Variants in DPP10 observed in about 807,000 individuals in gnomAD.
The protein encoded by DPP10 is inactive dipeptidyl peptidase 10.
In DPP10, 33 loss-of-function variants were observed where a neutral mutation model predicts 120.9. The observed-to-expected ratio is 0.27, with a 90% CI of 0.21 to 0.37. The LOEUF (loss-of-function observed/expected upper bound fraction) is 0.37. DPP10 is among the 10% of genes least tolerant of loss of function. The pLI, the probability that DPP10 is intolerant of heterozygous loss-of-function variation, is 1.00. For synonymous variants in DPP10, 337 were observed against 326.1 expected, an observed-to-expected ratio of 1.03 and a Z score of -0.36; for missense variants, 816 against 942.8, an observed-to-expected ratio of 0.87 and a Z score of 1.76.
At chr2:114,856,441 A>G (rs1265745358) in intron 1 of DPP10, among the ~76,000 whole-genome samples, 1 of 152,198 alleles carries the variant, frequency 6.6e-6, no homozygotes. Context: ...CAATGTGTCA[A>G]TATGTCATCT....
intron 1 of DPP10, among the ~76,000 whole-genome samples, chr2:115,255,979 C>T (rs779796599): frequency 4.6e-5 from 7 of 152,134 alleles, no homozygotes; most frequent in African/African-American, 9.7e-5. Flanking sequence ...GTTCAAAAGC[C>T]GCTTCCACGT....
In DPP10 at chr2:114,738,912, C is replaced by T. The variant is rs115804716; in HGVS notation, c.60+296074C>T. Among the ~76,000 whole-genome samples, 525 of 152,240 alleles carry T rather than the reference C, an allele frequency of 3.4e-3. 4 individuals are homozygous for T. The highest frequency in any genetic ancestry group is 5.5e-3 in the Non-Finnish European group (372 of 68,018). On this transcript the variant is annotated intron_variant, in intron 1 of 25. Transcript: ENST00000410059. ...AGATATGTGGGGAGAGCTTAGGGTG[C>T]CTCATGGAAGCCCAGAAGCCCACCC...
chr2:114,497,386 C>CAT (rs368126369), intron 1 of DPP10, among the ~76,000 whole-genome samples: 5 of 134,374 alleles, frequency 3.7e-5, no homozygotes, highest in African/African-American at 1.5e-4. Flanking sequence ...TATACATATA[C>CAT]ATACACATAC....
At chr2:115,215,795 C>T (rs981585046) in intron 1 of DPP10, among the ~76,000 whole-genome samples, 1 of 152,130 alleles carries the variant, frequency 6.6e-6, no homozygotes, top group Non-Finnish European at 1.5e-5. Context: ...ATCCAGCAAT[C>T]CTATTACTGG....
At chr2:115,324,391 G>A (rs1236439526) in intron 2 of DPP10, among the ~76,000 whole-genome samples, 3 of 152,144 alleles carry the variant, frequency 2.0e-5, no homozygotes, top group Non-Finnish European at 4.4e-5. Context: ...ACATCTTCTT[G>A]ATAACTGGCT....
At chr2:114,565,504 C>T (rs556511765) in intron 1 of DPP10, among the ~76,000 whole-genome samples, 19 of 152,344 alleles carry the variant, frequency 1.2e-4, no homozygotes, top group East Asian at 1.2e-3. Flanking sequence ...TTAGCACCAA[C>T]GGCCATTAGG....
At chr2:115,409,974 G>T (rs1357390399) in intron 3 of DPP10, among the ~76,000 whole-genome samples, 1 of 152,144 alleles carries the variant, frequency 6.6e-6, no homozygotes, top group Non-Finnish European at 1.5e-5. Flanking sequence ...AGGATACAAA[G>T]GCATAAGAAC....
chr2:115,593,584 A>T (rs1334242872), intron 5 of DPP10, among the ~76,000 whole-genome samples: 1 of 152,048 alleles, frequency 6.6e-6, no homozygotes, highest in African/African-American at 2.4e-5. Context: ...GAAATAAAAA[A>T]ATGTTAGTTT....
At chr2:114,890,905 A>T (rs1019724382) in intron 1 of DPP10, among the ~76,000 whole-genome samples, 5 of 149,952 alleles carry the variant, frequency 3.3e-5, no homozygotes, top group Admixed American at 2.7e-4. Context: ...AAAATTTGAG[A>T]ATTGTCTATG....
intron 1 of DPP10, among the ~76,000 whole-genome samples, chr2:115,150,453 A>G (rs1029648129): frequency 3.3e-5 from 5 of 152,208 alleles, no homozygotes; most frequent in African/African-American, 1.2e-4. Flanking sequence ...TACTTTTCCA[A>G]TATTATACAC....
intron 13 of DPP10, among the ~76,000 whole-genome samples, chr2:115,770,033 A>C (rs1313951690): frequency 6.6e-6 from 1 of 152,098 alleles, no homozygotes; most frequent in Non-Finnish European, 1.5e-5. Context: ...GAAAAGTTGT[A>C]CGTCTTTGTG....
At chr2:114,943,614 T>G (rs1697133416) in intron 1 of DPP10, among the ~76,000 whole-genome samples, 2 of 152,138 alleles carry the variant, frequency 1.3e-5, no homozygotes, top group African/African-American at 4.8e-5. Flanking sequence ...TGATGGTCAT[T>G]TGGGTTGGTT....
intron 1 of DPP10, among the ~76,000 whole-genome samples, chr2:114,920,744 C>G (rs570349316): frequency 6.6e-6 from 1 of 152,214 alleles, no homozygotes; most frequent in African/African-American, 2.4e-5. Flanking sequence ...GCAATCTGAC[C>G]TCCCTTGTGG....
chr2:114,697,658 G>A (rs1044862399), intron 1 of DPP10, among the ~76,000 whole-genome samples: 10 of 149,742 alleles, frequency 6.7e-5, no homozygotes, highest in South Asian at 2.1e-4. Context: ...GCTAAGGCAG[G>A]AGAATTGCTT....
intron 1 of DPP10, among the ~76,000 whole-genome samples, chr2:114,909,067 A>T (rs937159300): frequency 2.6e-5 from 4 of 151,814 alleles, no homozygotes; most frequent in Non-Finnish European, 5.9e-5. Context: ...TATTTATTCC[A>T]TCTAAGTTTT....
intron 1 of DPP10, among the ~76,000 whole-genome samples, chr2:114,848,731 G>A (rs1429765455): frequency 1.3e-5 from 2 of 152,154 alleles, no homozygotes; most frequent in Non-Finnish European, 2.9e-5. Flanking sequence ...AAATTGAGAA[G>A]GTATGTGTTT....
At chr2:115,730,574 C>T (rs1323845764) in intron 8 of DPP10, among the ~76,000 whole-genome samples, 1 of 152,102 alleles carries the variant, frequency 6.6e-6, no homozygotes, top group Non-Finnish European at 1.5e-5. Flanking sequence ...TGCTCCGTCC[C>T]GAATTAAGAT....
At chr2:115,098,192 C>G (rs2048495681) in intron 1 of DPP10, among the ~76,000 whole-genome samples, 1 of 152,102 alleles carries the variant, frequency 6.6e-6, no homozygotes, top group African/African-American at 2.4e-5. Context: ...ATTCCCAGAG[C>G]AAGGCTCTGA....
At chr2:115,196,956 G>A (rs1412710693) in intron 1 of DPP10, among the ~76,000 whole-genome samples, 2 of 152,160 alleles carry the variant, frequency 1.3e-5, no homozygotes, top group Admixed American at 1.3e-4. Context: ...TGCTAACATT[G>A]GAACTTAAAT....
Sources: gnomAD v4.1 joint callset for allele counts (sites outside exome capture counted in the v4.1 genomes callset) on GRCh38, gnomAD v4.1.1 for gene constraint, MANE v1.5 for transcripts, NCBI Gene and HGNC (gene_info 2026-07-23, HGNC 2026-07-21) for gene names.